The following PLPP7 variants were observed in gnomAD, a reference collection of about 807,000 sequenced individuals.
The protein encoded by PLPP7 is phospholipid phosphatase 7 (inactive), also known as inactive phospholipid phosphatase 7.
PLPP7 carries 11 observed loss-of-function variants against 16.9 expected under a neutral mutation model. That is an observed-to-expected ratio of 0.65 (90% CI 0.41 to 1.08). The LOEUF (loss-of-function observed/expected upper bound fraction) is 1.08. Ranked by LOEUF, PLPP7 falls within the 50% of genes least tolerant of loss-of-function variation. PLPP7 has a pLI of 0.00. For missense variants in PLPP7, 358 were observed against 397.1 expected (o/e 0.90, Z 0.84); for synonymous variants, 174 against 175.1 (o/e 0.99, Z 0.05).
intron 1 of PLPP7, among the ~76,000 whole-genome samples, chr9:131,298,399 C>A (rs1308331060): frequency 6.6e-6 from 1 of 152,156 alleles, no homozygotes; most frequent in Non-Finnish European, 1.5e-5. Context: ...GAGACATCTG[C>A]CCACAAACCC....
At chr9:131,304,991 A>G (rs1008425078) in intron 1 of PLPP7, among the ~76,000 whole-genome samples, 1 of 152,156 alleles carries the variant, frequency 6.6e-6, no homozygotes, top group Admixed American at 6.5e-5. Context: ...AGCCTCAGGT[A>G]TGAGTGCTCT....
At position 131,290,524 on chromosome 9, in the gene PLPP7, C is replaced by T. The variant is rs1835660208; in HGVS notation, c.451+76C>T. On this transcript the variant is annotated intron_variant, in intron 1 of 1. Transcript: ENST00000372264. This position sits in a 1 kb window ranked among gnomAD's most constrained non-coding sequence, Gnocchi z 4.2. ...CCTGGCCTGCCCAACCCCACCCTGGCCGGGACCTGCACAGCCCTCAGAAAC... is the reference window on the plus strand; with the variant it reads ...CCTGGCCTGCCCAACCCCACCCTGGTCGGGACCTGCACAGCCCTCAGAAAC... The T allele has an allele frequency of 1.5e-6, 2 of 1,365,550 alleles. No homozygotes were observed. The highest frequency in any genetic ancestry group is 5.1e-5 in the Admixed American group (2 of 39,476). The allele number at this position is 1,365,550 out of a possible 1,614,324, so 84.6% of individuals were successfully genotyped here. A position where few individuals can be genotyped will look rare whatever the true frequency, so the allele number is the denominator to read the frequency against.
Position 131,289,904 on chromosome 9 carries a change from C to A in PLPP7, c.-94C>A, listed in dbSNP as rs960372068. The stretch of plus-strand genomic sequence containing the variant: ...TGCGGCGGAGAAGGCAGGGAGGCAG[C>A]CACGGTGGCGGCTCTGGGGGCAGCT... On this transcript the variant is annotated 5_prime_UTR_variant, in exon 1 of 2. Coordinates refer to ENST00000372264, the MANE Select transcript of PLPP7 (RefSeq NM_032728.4). 2.8e-6 allele frequency: 3 copies of A among 1,079,382 alleles called. No individual in the cohort carries two copies. The highest frequency in any genetic ancestry group is 3.7e-6 in the Non-Finnish European group (3 of 818,036). The allele number at this position is 1,079,382 out of a possible 1,614,324, so 66.9% of individuals were successfully genotyped here. A position where few individuals can be genotyped will look rare whatever the true frequency, so the allele number is the denominator to read the frequency against.
rs183402512 is a variant in PLPP7, at chr9:131,306,097, C to T, written c.452-1826C>T. 1.8e-3 allele frequency among the ~76,000 whole-genome samples: 281 copies of T among 152,082 alleles called. 1 individual carries two copies. Among genetic ancestry groups the T allele is most frequent in the African/African-American group, 6.5e-3 (270 of 41,500 alleles). ...CTAAAAATACAAAAAATTAGCCAGGCGTAGTGGCAGGCGCCTGTAGTCCCA... is the reference window on the plus strand; with the variant it reads ...CTAAAAATACAAAAAATTAGCCAGGTGTAGTGGCAGGCGCCTGTAGTCCCA... On this transcript the variant is annotated intron_variant, in intron 1 of 1. Transcript: ENST00000372264.
At chr9:131,297,989 G>A (rs115492204) in intron 1 of PLPP7, among the ~76,000 whole-genome samples, 1,718 of 152,100 alleles carry the variant, frequency 0.011, 26 homozygotes, top group African/African-American at 0.039. Context: ...AATATACATG[G>A]GCCTTATCAT....
chr9:131,308,366 G>A lies in PLPP7; in HGVS notation c.*79G>A, dbSNP rs1215859497. 11 of 1,477,842 alleles carry A rather than the reference G, an allele frequency of 7.4e-6. No individual in the cohort carries two copies. Among genetic ancestry groups the A allele is most frequent in the Admixed American group, 4.4e-5 (2 of 45,524 alleles). The allele number at this position is 1,477,842 out of a possible 1,614,324, so 91.5% of individuals were successfully genotyped here. The stretch of plus-strand genomic sequence containing the variant: ...GGCAGGGGGTGGCGAGGTGGCGGGC[G>A]TGGGTGGAACAGAGCGGCCAGGAGT... On this transcript the variant is annotated 3_prime_UTR_variant, in exon 2 of 2. Transcript: ENST00000372264.
Position 131,308,299 on chromosome 9 carries a change from G to T in PLPP7, c.*12G>T, listed in dbSNP as rs764137049. 14 of 1,572,724 alleles carry T rather than the reference G, an allele frequency of 8.9e-6. No individual in the cohort carries two copies. The highest frequency in any genetic ancestry group is 1.2e-5 in the Non-Finnish European group (14 of 1,166,634). On this transcript the variant is annotated 3_prime_UTR_variant, in exon 2 of 2. Transcript: ENST00000372264. The stretch of plus-strand genomic sequence containing the variant: ...TCTCTGCCTGGTGAAGCGCCCGCCG[G>T]CCCACACAAGCCTCTGGGGGCAGGG...
Position 131,309,152 on chromosome 9 carries a change from T to C in PLPP7, c.*865T>C, listed in dbSNP as rs1835891018. The C allele has an allele frequency of 6.6e-6, 1 of 152,666 alleles. No individual in the cohort carries two copies. The highest frequency in any genetic ancestry group is 2.1e-4 in the South Asian group (1 of 4,838). The allele number at this position is 152,666 out of a possible 1,614,324, so 9.5% of individuals were successfully genotyped here. Reference sequence around the variant, plus strand: ...GCTGGCCACCGCCCGTGGGCATCGATGAGGCTTTGGCCCCCAGGGGCCGGA... The same window carrying C: ...GCTGGCCACCGCCCGTGGGCATCGACGAGGCTTTGGCCCCCAGGGGCCGGA... On this transcript the variant is annotated 3_prime_UTR_variant, in exon 2 of 2. Transcript: ENST00000372264.
At chr9:131,301,389 T>C (rs924882072) in intron 1 of PLPP7, among the ~76,000 whole-genome samples, 31 of 152,186 alleles carry the variant, frequency 2.0e-4, no homozygotes, top group Non-Finnish European at 3.8e-4. Flanking sequence ...CAGCCTACCA[T>C]GGAGCCCAGT....
intron 1 of PLPP7, among the ~76,000 whole-genome samples, chr9:131,306,787 G>C (rs536741390): frequency 1.3e-5 from 2 of 152,318 alleles, no homozygotes; most frequent in South Asian, 4.1e-4. Flanking sequence ...GGGATGGGGA[G>C]TGGCTGCTTC....
chr9:131,305,081 C>G (rs1199514733), intron 1 of PLPP7, among the ~76,000 whole-genome samples: 1 of 152,168 alleles, frequency 6.6e-6, no homozygotes, highest in Admixed American at 6.5e-5. Flanking sequence ...TGGGGTTCCT[C>G]AAAGAGTCAC....
intron 1 of PLPP7, among the ~76,000 whole-genome samples, chr9:131,292,540 G>A (rs1337958529): frequency 6.6e-6 from 1 of 152,196 alleles, no homozygotes; most frequent in Non-Finnish European, 1.5e-5. Context: ...CAGTGATGGA[G>A]CCAGGAGCAG....
At chr9:131,291,274 G>C (rs571238162) in intron 1 of PLPP7, 1 of 1,282,090 alleles carries the variant, frequency 7.8e-7, no homozygotes, top group African/African-American at 1.5e-5. Flanking sequence ...GGCCCGCATC[G>C]ATTTCCTTGT....
Position 131,308,342 on chromosome 9 carries a change from G to A in PLPP7, c.*55G>A, listed in dbSNP as rs1588211729. On this transcript the variant is annotated 3_prime_UTR_variant, in exon 2 of 2. Transcript: ENST00000372264. ...GGGCAGGGCTGGCCCTAGAGAAGGGGCAGGGGGTGGCGAGGTGGCGGGCGT... is the reference window on the plus strand; with the variant it reads ...GGGCAGGGCTGGCCCTAGAGAAGGGACAGGGGGTGGCGAGGTGGCGGGCGT... 5 of 1,509,410 alleles carry A rather than the reference G, an allele frequency of 3.3e-6. No homozygotes were observed. Among genetic ancestry groups the A allele is most frequent in the Non-Finnish European group, 4.4e-6 (5 of 1,132,382 alleles). The allele number at this position is 1,509,410 out of a possible 1,614,324, so 93.5% of individuals were successfully genotyped here. A position where few individuals can be genotyped will look rare whatever the true frequency, so the allele number is the denominator to read the frequency against.
chr9:131,293,065 C>A, intron 1 of PLPP7: 1 of 682,576 alleles, frequency 1.5e-6, no homozygotes, highest in Non-Finnish European at 1.8e-6. Flanking sequence ...AAAAAGCTGT[C>A]GATGACCTTT....
chr9:131,290,093 C>T lies in PLPP7; in HGVS notation c.96C>T (p.Gly32=). 6.6e-7 allele frequency: 1 copy of T among 1,516,088 alleles called. No homozygotes were observed. 93.9% of individuals were successfully genotyped at this position (1,516,088 alleles called of 1,614,324 possible). A position where few individuals can be genotyped will look rare whatever the true frequency, so the allele number is the denominator to read the frequency against. ...FLSLNQPPKG[G]PEPRSSGRKA... ...CCCTGAACCAGCCCCCCAAGGGGGG[C>T]CCGGAGCCCCGCAGCTCGGGCAGAA... Residue 32 remains glycine (G), a synonymous_variant, in exon 1 of 2, where the codon GGC becomes GGT. Coordinates refer to ENST00000372264, the MANE Select transcript of PLPP7 (RefSeq NM_032728.4). The surrounding 1 kb of genome is among the most constrained non-coding windows in gnomAD (Gnocchi z 4.2).
intron 1 of PLPP7, among the ~76,000 whole-genome samples, chr9:131,297,316 T>C (rs1191750865): frequency 1.3e-5 from 2 of 152,098 alleles, no homozygotes; most frequent in Non-Finnish European, 2.9e-5. Context: ...GTCTTTCTAT[T>C]GATGATCCTG....
chr9:131,307,696 A>G (rs1360268600), intron 1 of PLPP7, among the ~76,000 whole-genome samples: 4 of 152,106 alleles, frequency 2.6e-5, no homozygotes, highest in Non-Finnish European at 5.9e-5. Context: ...CAGCGTGGTC[A>G]GGGAAGGCTT....
intron 1 of PLPP7, among the ~76,000 whole-genome samples, chr9:131,293,620 G>A (rs1280268284): frequency 3.3e-5 from 5 of 152,202 alleles, no homozygotes; most frequent in African/African-American, 7.2e-5. Flanking sequence ...TGTCTTTGGA[G>A]GGCACCCTTC....
Sources: allele counts gnomAD v4.1 joint callset (sites outside exome capture counted in the v4.1 genomes callset), GRCh38; gene constraint gnomAD v4.1.1; non-coding constraint Gnocchi (gnomAD v3.1); transcripts MANE v1.5; gene names NCBI Gene and HGNC (gene_info 2026-07-23, HGNC 2026-07-21).